The following RGSL1 variants were observed in gnomAD, a reference collection of about 807,000 sequenced individuals.
RGSL1 encodes regulator of G protein signaling like 1.
In RGSL1, 97 loss-of-function variants were observed where a neutral mutation model predicts 124.7. The observed-to-expected ratio is 0.78, with a 90% CI of 0.66 to 0.92. The LOEUF (loss-of-function observed/expected upper bound fraction) is 0.92. Ranked by LOEUF, RGSL1 falls within the 40% of genes least tolerant of loss-of-function variation. The pLI, the probability that RGSL1 is intolerant of heterozygous loss-of-function variation, is 0.00. For missense variants in RGSL1, 1,233 were observed against 1,288.4 expected (o/e 0.96, Z 0.66); for synonymous variants, 424 against 438.1 (o/e 0.97, Z 0.40).
At chr1:182,534,559 G>A (rs1409490864) in intron 14 of RGSL1, among the ~76,000 whole-genome samples, 1 of 152,202 alleles carries the variant, frequency 6.6e-6, no homozygotes, top group East Asian at 1.9e-4. Flanking sequence ...TGGGCACGGT[G>A]GCTTACGCCT....
chr1:182,521,937 C>A, intron 9 of RGSL1, 67 bp from the exon 10 acceptor site: 2 of 1,045,302 alleles, frequency 1.9e-6, no homozygotes, highest in Non-Finnish European at 1.4e-6. Flanking sequence ...GAAAAATATC[C>A]TTGCTAGTTT....
rs530738000 is a variant in RGSL1, at chr1:182,542,959, T to C, written c.2669+2538T>C. ...TTCTAATAGGCTGTTGGTGAAGTCT[T>C]TAGGTTTTTCTAAAGATAAGATTAT... On this transcript the variant is annotated intron_variant, in intron 15 of 21. Transcript: ENST00000294854. 2.0e-5 allele frequency among the ~76,000 whole-genome samples: 3 copies of C among 152,208 alleles called. No homozygotes were observed. In the East Asian group the frequency reaches 5.8e-4, roughly 29 times the overall value.
At chr1:182,512,315 T>G (rs951209812) in intron 9 of RGSL1, among the ~76,000 whole-genome samples, 2 of 152,224 alleles carry the variant, frequency 1.3e-5, no homozygotes, top group Middle Eastern at 3.2e-3. Context: ...TTATCTGATG[T>G]AAGTATAGCT....
intron 11 of RGSL1, among the ~76,000 whole-genome samples, chr1:182,529,623 A>G (rs1482300744): frequency 6.6e-6 from 1 of 152,216 alleles, no homozygotes; most frequent in African/African-American, 2.4e-5. Context: ...TGCTTGTAGT[A>G]AACCAAGATA....
At chr1:182,492,978 C>A in intron 8 of RGSL1, 44 bp from the exon 9 acceptor site, 1 of 1,321,422 alleles carries the variant, frequency 7.6e-7, no homozygotes, top group Non-Finnish European at 1.1e-6. Flanking sequence ...TGAACCCAGA[C>A]TTTGGACAAC....
In RGSL1 at chr1:182,473,397, G is replaced by A. The variant is rs566309877; in HGVS notation, c.464-178G>A. On this transcript the variant is annotated intron_variant, in intron 5 of 21. Transcript: ENST00000294854. Reference sequence around the variant, plus strand: ...AGATAAAGGGATCCCTGTGTGCTGAGAAAACCATAAAAATGTGTCGACTCT... The same window carrying A: ...AGATAAAGGGATCCCTGTGTGCTGAAAAAACCATAAAAATGTGTCGACTCT... Among the ~76,000 whole-genome samples, 4 of 152,212 alleles carry A rather than the reference G, an allele frequency of 2.6e-5. No homozygotes were observed. In the South Asian group the frequency reaches 6.2e-4, roughly 24 times the overall value.
intron 9 of RGSL1, among the ~76,000 whole-genome samples, chr1:182,520,899 A>G (rs1321548831): frequency 4.6e-5 from 7 of 152,216 alleles, no homozygotes; most frequent in East Asian, 1.9e-4. Context: ...AACAATGACT[A>G]TATAACTAGG....
chr1:182,518,642 C>A (rs1249722199), intron 9 of RGSL1, among the ~76,000 whole-genome samples: 1 of 152,156 alleles, frequency 6.6e-6, no homozygotes, highest in African/African-American at 2.4e-5. Flanking sequence ...TGCTTTTAAA[C>A]CTCAATCTCA....
chr1:182,460,006 T>G lies in RGSL1; in HGVS notation c.174T>G (p.Ile58Met). Residue 58 changes from isoleucine to methionine, a missense_variant and splice_region_variant, in exon 4 of 22, where the codon ATT becomes ATG. Physicochemically the swap from Ile to Met is conservative, Grantham distance 10 (BLOSUM62 1). Coordinates refer to ENST00000294854, the MANE Select transcript of RGSL1 (RefSeq NM_001137669.2). ...SLWPEIPCNL[I>M]AKYKGLLTWL... ...TTTCTATTTTGCTTTGACTCTAGAT[T>G]GCCAAATACAAAGGGTTATTGACCT... 1 of 1,550,126 alleles carries G rather than the reference T, an allele frequency of 6.5e-7. No homozygotes were observed. The highest frequency in any genetic ancestry group is 8.7e-7 in the Non-Finnish European group (1 of 1,146,608).
At chr1:182,526,514 C>T (rs1359506273) in intron 10 of RGSL1, among the ~76,000 whole-genome samples, 6 of 145,058 alleles carry the variant, frequency 4.1e-5, no homozygotes, top group Non-Finnish European at 6.1e-5. Context: ...AAAAAAAAAA[C>T]ACAAACATTA....
At chr1:182,495,943 TC>T (rs1655881355) in intron 9 of RGSL1, among the ~76,000 whole-genome samples, 2 of 152,192 alleles carry the variant, frequency 1.3e-5, no homozygotes, top group African/African-American at 4.8e-5. Context: ...GACTGGGTGA[TC>T]TTGAGTAACC....
At chr1:182,550,910 C>G (rs751422312) in intron 17 of RGSL1, 190 bp from the exon 18 acceptor site, 33 of 584,720 alleles carry the variant, frequency 5.6e-5, no homozygotes, top group Non-Finnish European at 9.7e-5. Context: ...GGAGCCAGGT[C>G]TGGACAAAGA....
At chr1:182,551,571 TAA>T (rs1042989424) in intron 18 of RGSL1, among the ~76,000 whole-genome samples, 18 of 152,240 alleles carry the variant, frequency 1.2e-4, no homozygotes, top group Non-Finnish European at 2.1e-4. Flanking sequence ...TTTATAGCGT[TAA>T]GTGACAACAT....
At chr1:182,500,277 C>G (rs1350667103) in intron 9 of RGSL1, among the ~76,000 whole-genome samples, 1 of 152,028 alleles carries the variant, frequency 6.6e-6, no homozygotes, top group African/African-American at 2.4e-5. Flanking sequence ...CTCTTCTTTC[C>G]CCCCATTGAA....
At chr1:182,497,288 T>C (rs1655994200) in intron 9 of RGSL1, among the ~76,000 whole-genome samples, 1 of 149,590 alleles carries the variant, frequency 6.7e-6, no homozygotes, top group African/African-American at 2.4e-5. Flanking sequence ...TGTGCATGTG[T>C]GTGTGTGTCT....
chr1:182,544,465 T>C (rs1156295114), intron 15 of RGSL1, among the ~76,000 whole-genome samples: 2 of 152,110 alleles, frequency 1.3e-5, no homozygotes, highest in African/African-American at 4.8e-5. Flanking sequence ...GTATATTCTG[T>C]AGCAGTTGGG....
At chr1:182,517,552 C>G (rs2102222751) in intron 9 of RGSL1, among the ~76,000 whole-genome samples, 1 of 152,044 alleles carries the variant, frequency 6.6e-6, no homozygotes. Flanking sequence ...TGTAGGCAAC[C>G]TTTGTTGATT....
chr1:182,555,473 A>G (rs898924663), intron 20 of RGSL1: 8 of 155,878 alleles, frequency 5.1e-5, no homozygotes, highest in African/African-American at 1.9e-4. Context: ...TCTGCTTGGC[A>G]GGATATTGGC....
intron 4 of RGSL1, among the ~76,000 whole-genome samples, chr1:182,472,015 C>G (rs1653886546): frequency 6.6e-6 from 1 of 152,158 alleles, no homozygotes; most frequent in African/African-American, 2.4e-5. Flanking sequence ...TCTTTTGGCT[C>G]CAGTGTCCTT....
Sources: allele counts gnomAD v4.1 joint callset (sites outside exome capture counted in the v4.1 genomes callset), GRCh38; gene constraint gnomAD v4.1.1; transcripts MANE v1.5; gene names NCBI Gene and HGNC (gene_info 2026-07-23, HGNC 2026-07-21).